Variants in ANKRD17 observed in about 807,000 individuals in gnomAD.
The protein encoded by ANKRD17 is ankyrin repeat domain 17.
ANKRD17 carries 19 observed loss-of-function variants against 229.7 expected under a neutral mutation model. That is an observed-to-expected ratio of 0.08 (90% CI 0.06 to 0.12). The LOEUF (loss-of-function observed/expected upper bound fraction) is 0.12, where lower values mean the gene tolerates loss of function less well. Ranked by LOEUF, ANKRD17 falls within the 10% of genes least tolerant of loss-of-function variation. The pLI, the probability that ANKRD17 is intolerant of heterozygous loss-of-function variation, is 1.00. For synonymous variants in ANKRD17, 1,112 were observed against 1,146.1 expected (o/e 0.97, Z 0.60); for missense variants, 2,176 against 3,176.8 (o/e 0.68, Z 7.57).
At chr4:73,107,935 T>G (rs141141053) in intron 24 of ANKRD17, among the ~76,000 whole-genome samples, 279 of 152,258 alleles carry the variant, frequency 1.8e-3, no homozygotes, top group Middle Eastern at 6.8e-3. Flanking sequence ...GGGAGACCAG[T>G]TAAATGACTA....
At chr4:73,149,494 G>A (rs1042889132) in intron 7 of ANKRD17, among the ~76,000 whole-genome samples, 4 of 152,142 alleles carry the variant, frequency 2.6e-5, no homozygotes, top group East Asian at 1.9e-4. Context: ...AGAAGTGGGG[G>A]AAGGATACAT....
intron 1 of ANKRD17, among the ~76,000 whole-genome samples, chr4:73,245,534 A>G (rs982071120): frequency 5.9e-5 from 9 of 152,152 alleles, no homozygotes; most frequent in Admixed American, 2.0e-4. Context: ...AAGCCCATGG[A>G]TTCCACCTTG....
chr4:73,181,182 A>G (rs1735494593), intron 1 of ANKRD17, among the ~76,000 whole-genome samples: 2 of 152,224 alleles, frequency 1.3e-5, no homozygotes, highest in Admixed American at 6.5e-5. Context: ...ATCTTACATT[A>G]GGTAGTAGGT....
intron 7 of ANKRD17, among the ~76,000 whole-genome samples, chr4:73,150,014 G>A (rs1016994886): frequency 1.6e-4 from 24 of 151,906 alleles, no homozygotes; most frequent in African/African-American, 5.6e-4. Flanking sequence ...TTATCTCCCA[G>A]ACATATTCTT....
Position 73,094,241 on chromosome 4 carries a change from TG to T in ANKRD17, c.5178-14del. 6.2e-7 allele frequency: 1 copy of T among 1,605,400 alleles called. No individual in the cohort carries two copies. Among genetic ancestry groups the T allele is most frequent in the Non-Finnish European group, 8.5e-7 (1 of 1,173,882 alleles). ...TACTTTCTTTGACCTGTTTAAAAGT[TG>T]TATATATAAATTAAGATTAGTCATT... On this transcript the variant is annotated splice_polypyrimidine_tract_variant and intron_variant, in intron 27 of 33. Transcript: ENST00000358602.
At chr4:73,233,072 A>G (rs1229729633) in intron 1 of ANKRD17, among the ~76,000 whole-genome samples, 1 of 152,146 alleles carries the variant, frequency 6.6e-6, no homozygotes, top group East Asian at 1.9e-4. Context: ...TAGGGTTTTT[A>G]AGAAATTCAA....
intron 24 of ANKRD17, among the ~76,000 whole-genome samples, chr4:73,112,201 T>C (rs1182296085): frequency 6.6e-6 from 1 of 152,202 alleles, no homozygotes; most frequent in Non-Finnish European, 1.5e-5. Context: ...AGGTAAAGAT[T>C]TTAAAACAAC....
chr4:73,086,960 G>A (rs1450509967), intron 29 of ANKRD17, among the ~76,000 whole-genome samples: 1 of 70,340 alleles, frequency 1.4e-5, no homozygotes, highest in Non-Finnish European at 2.7e-5. Context: ...ATATCTGTAG[G>A]ATTTTAAATA....
intron 1 of ANKRD17, among the ~76,000 whole-genome samples, chr4:73,247,634 T>C (rs1272333412): frequency 1.3e-5 from 2 of 151,978 alleles, no homozygotes; most frequent in African/African-American, 4.8e-5. Flanking sequence ...GCATTTACTC[T>C]AAGAATGGAA....
chr4:73,214,648 AAGAG>A (rs1319428436), intron 1 of ANKRD17, among the ~76,000 whole-genome samples: 1 of 151,954 alleles, frequency 6.6e-6, no homozygotes, highest in Non-Finnish European at 1.5e-5. Context: ...TTAAAAAAAA[AAGAG>A]AGAAAAAGAA....
chr4:73,155,628 G>T lies in ANKRD17; in HGVS notation c.1000+3C>A, dbSNP rs747307457. The T allele has an allele frequency of 9.9e-6, 16 of 1,613,812 alleles. No homozygotes were observed. The highest frequency in any genetic ancestry group is 3.3e-5 in the South Asian group (3 of 90,984). ...GTAAAACTGAAAAAGAAATAGGCAT[G>T]ACCTGTTGAAGACTGTGCATTAACA... On this transcript the variant is annotated splice_donor_region_variant and intron_variant, in intron 5 of 33. Coordinates refer to ENST00000358602, the MANE Select transcript of ANKRD17 (RefSeq NM_032217.5).
Position 73,090,943 on chromosome 4 carries a change from C to T in ANKRD17, c.6685G>A (p.Ala2229Thr), listed in dbSNP as rs555511963. The change falls in exon 29 of 34, where the codon GCT becomes ACT. Residue 2229 changes from alanine to threonine, a missense_variant. Physicochemically the swap from Ala to Thr is moderately conservative, Grantham distance 58. Around this residue, in one of 18 missense-constraint regions of ANKRD17, gnomAD observed 424 missense variants for 454.0 expected, o/e 0.93. Transcript: ENST00000358602. The part of the protein sequence containing the change: ...QLPSTLSTQS[A>T]CQNSVHPANK... ...GCTGGATGTACTGAATTCTGACAAG[C>T]ACTTTGTGTACTTAAGGTCGAAGGT... 2 of 1,614,234 alleles carry T rather than the reference C, an allele frequency of 1.2e-6. No homozygotes were observed. The highest frequency in any genetic ancestry group is 2.2e-5 in the East Asian group (1 of 44,884).
intron 1 of ANKRD17, among the ~76,000 whole-genome samples, chr4:73,190,272 G>A (rs1736875978): frequency 6.6e-6 from 1 of 152,060 alleles, no homozygotes; most frequent in African/African-American, 2.4e-5. Flanking sequence ...GGGAGGCTGA[G>A]GCAGGAGAAT....
chr4:73,194,275 CAT>C (rs1250428402), intron 1 of ANKRD17, among the ~76,000 whole-genome samples: 6 of 152,134 alleles, frequency 3.9e-5, no homozygotes, highest in Admixed American at 2.0e-4. Flanking sequence ...AATTTTTGCA[CAT>C]AGTGCCAAGG....
chr4:73,151,990 G>C (rs183349197), intron 6 of ANKRD17, among the ~76,000 whole-genome samples: 164 of 152,120 alleles, frequency 1.1e-3, no homozygotes, highest in Non-Finnish European at 1.1e-3. Context: ...ACTGGGAACT[G>C]TATGTATAAA....
At chr4:73,139,127 T>C (rs1210166864) in intron 15 of ANKRD17, among the ~76,000 whole-genome samples, 3 of 152,212 alleles carry the variant, frequency 2.0e-5, no homozygotes, top group Non-Finnish European at 4.4e-5. Context: ...ATAAGCTTCC[T>C]GATGTGTCCT....
intron 1 of ANKRD17, among the ~76,000 whole-genome samples, chr4:73,214,713 T>C (rs1447682638): frequency 6.6e-6 from 1 of 151,796 alleles, no homozygotes; most frequent in East Asian, 1.9e-4. Flanking sequence ...TTAAACATTT[T>C]CAATCTTAGG....
intron 1 of ANKRD17, among the ~76,000 whole-genome samples, chr4:73,198,932 C>T (rs977597798): frequency 2.0e-4 from 31 of 152,036 alleles, no homozygotes; most frequent in African/African-American, 7.5e-4. Flanking sequence ...ACTTGTAACA[C>T]ATAAAAAGAT....
At chr4:73,076,372 G>T in intron 33 of ANKRD17, 82 bp from the exon 34 acceptor site, 2 of 1,096,660 alleles carry the variant, frequency 1.8e-6, no homozygotes, top group Non-Finnish European at 2.5e-6. Context: ...AAACTAAGGA[G>T]GTACTCTTCA....
Sources: allele counts gnomAD v4.1 joint callset (sites outside exome capture counted in the v4.1 genomes callset), GRCh38; gene constraint gnomAD v4.1.1; regional missense constraint gnomAD v4.1.1; transcripts MANE v1.5; gene names NCBI Gene and HGNC (gene_info 2026-07-23, HGNC 2026-07-21).